The following MYO3A variants were observed in gnomAD, a reference collection of about 807,000 sequenced individuals.
MYO3A encodes the protein myosin IIIA, also known as myosin-IIIa.
In MYO3A, 180 loss-of-function variants were observed where a neutral mutation model predicts 192.7. The observed-to-expected ratio is 0.93, with a 90% confidence interval of 0.83 to 1.06. The LOEUF is 1.06. MYO3A is among the 50% of genes least tolerant of loss of function. MYO3A has a pLI of 0.00. For synonymous variants in MYO3A, 628 were observed against 645.3 expected (o/e 0.97, Z 0.41); for missense variants, 1,896 against 1,905.0 (o/e 1.00, Z 0.09).
At chr10:26,149,489 C>G (rs888089227) in intron 23 of MYO3A, among the ~76,000 whole-genome samples, 3 of 152,186 alleles carry the variant, frequency 2.0e-5, no homozygotes, top group Admixed American at 2.0e-4. Context: ...CCCGCCTCGG[C>G]CTCCCAAGGT....
At chr10:26,160,146 T>A (rs1010651576) in intron 26 of MYO3A, among the ~76,000 whole-genome samples, 3 of 152,210 alleles carry the variant, frequency 2.0e-5, no homozygotes, top group Admixed American at 2.0e-4. Context: ...ATATAAGTAC[T>A]CTTAAATTTC....
intron 26 of MYO3A, among the ~76,000 whole-genome samples, chr10:26,160,055 A>G (rs1841405577): frequency 6.6e-6 from 1 of 152,182 alleles, no homozygotes; most frequent in South Asian, 2.1e-4. Context: ...TGACCTTATT[A>G]TCATGCACTT....
Position 26,070,115 on chromosome 10 carries a change from C to G in MYO3A, c.1175C>G (p.Ser392Cys). 1.9e-6 allele frequency: 3 copies of G among 1,606,396 alleles called. No individual in the cohort carries two copies. ...QSLGLYSTKH[S>C]KLYIGSKRTA... ...TGTATTCTTTTTAACCTTTAGCATTCCAAACTATATATTGGATCAAAGAGA... is the reference window on the plus strand; with the variant it reads ...TGTATTCTTTTTAACCTTTAGCATTGCAAACTATATATTGGATCAAAGAGA... The change falls in exon 13 of 35, where the codon TCC becomes TGC. Residue 392 changes from serine (S) to cysteine (C), a missense_variant. Transcript: ENST00000642920.
chr10:26,190,871 G>T (rs1321466427), intron 31 of MYO3A, among the ~76,000 whole-genome samples: 2 of 152,050 alleles, frequency 1.3e-5, no homozygotes, highest in Non-Finnish European at 2.9e-5. Flanking sequence ...AGATTGAATG[G>T]GGGAATATTT....
intron 20 of MYO3A, 149 bp from the exon 21 acceptor site, chr10:26,143,299 C>T: frequency 1.3e-6 from 1 of 766,476 alleles, no homozygotes; most frequent in South Asian, 1.7e-5. Flanking sequence ...CCAATATACT[C>T]CAGCCTGGAC....
At chr10:26,073,674 T>A (rs915677250) in intron 14 of MYO3A, among the ~76,000 whole-genome samples, 5 of 151,850 alleles carry the variant, frequency 3.3e-5, no homozygotes, top group Non-Finnish European at 1.5e-5. Context: ...AAATAAATAA[T>A]TATTTTTAGA....
chr10:25,962,944 C>T (rs1477950051), intron 4 of MYO3A, among the ~76,000 whole-genome samples: 1 of 152,196 alleles, frequency 6.6e-6, no homozygotes, highest in Non-Finnish European at 1.5e-5. Flanking sequence ...CTCTCAGGAG[C>T]TGTTTGCTTA....
chr10:26,083,575 A>G (rs1007616400), intron 14 of MYO3A, among the ~76,000 whole-genome samples: 2 of 152,162 alleles, frequency 1.3e-5, no homozygotes, highest in Admixed American at 6.5e-5. Context: ...TGTAACAGAT[A>G]CTATTGGAAA....
intron 31 of MYO3A, among the ~76,000 whole-genome samples, chr10:26,189,235 A>G (rs924055988): frequency 6.6e-6 from 1 of 152,222 alleles, no homozygotes; most frequent in Non-Finnish European, 1.5e-5. Flanking sequence ...CAGCAGTCAC[A>G]TTAGATTAGG....
chr10:26,063,866 A>C (rs1218768563), intron 10 of MYO3A, among the ~76,000 whole-genome samples: 1 of 152,242 alleles, frequency 6.6e-6, no homozygotes, highest in Non-Finnish European at 1.5e-5. Flanking sequence ...AATACACTGG[A>C]AAGACAGATT....
chr10:26,086,362 C>T lies in MYO3A; in HGVS notation c.1360-1841C>T, dbSNP rs113123657. ...TCTCACCAGGCCCCCTCCCCTGACACGTGGGGATTACAATTTGACATGAGA... is the reference window on the plus strand; with the variant it reads ...TCTCACCAGGCCCCCTCCCCTGACATGTGGGGATTACAATTTGACATGAGA... On this transcript the variant is annotated intron_variant, in intron 14 of 34. Coordinates refer to ENST00000642920, the MANE Select transcript of MYO3A (RefSeq NM_017433.5). Among the ~76,000 whole-genome samples the T allele has an allele frequency of 1.6e-3, 242 of 152,206 alleles. 1 individual carries two copies. The highest frequency in any genetic ancestry group is 5.5e-3 in the African/African-American group (228 of 41,530).
At position 25,935,733 on chromosome 10, in the gene MYO3A, T is replaced by C. The variant is rs1836018818; in HGVS notation, c.-104-11T>C. On this transcript the variant is annotated splice_polypyrimidine_tract_variant and intron_variant, in intron 1 of 34. Coordinates refer to ENST00000642920, the MANE Select transcript of MYO3A (RefSeq NM_017433.5). ...CCCATAAAGCCATGATCTTTTTGTT[T>C]TGGGTTACAGGCCCAGGGCCCCAGT... The C allele has an allele frequency of 6.6e-6, 1 of 152,184 alleles. No individual in the cohort carries two copies. Among genetic ancestry groups the C allele is most frequent in the Non-Finnish European group, 1.5e-5 (1 of 68,040 alleles). 9.4% of individuals were successfully genotyped at this position (152,184 alleles called of 1,614,324 possible).
At chr10:26,165,793 A>G (rs1841712215) in intron 26 of MYO3A, 1 of 503,808 alleles carries the variant, frequency 2.0e-6, no homozygotes, top group Non-Finnish European at 3.5e-6. Flanking sequence ...TTTTTGACTG[A>G]TGGAGTTCTT....
chr10:26,034,347 G>A (rs1320360797), intron 10 of MYO3A, among the ~76,000 whole-genome samples: 2 of 152,146 alleles, frequency 1.3e-5, no homozygotes, highest in Non-Finnish European at 2.9e-5. Context: ...ATGGACACTT[G>A]AATCCCAACC....
chr10:26,093,251 G>A (rs1836810984), intron 15 of MYO3A, among the ~76,000 whole-genome samples: 6 of 152,162 alleles, frequency 3.9e-5, no homozygotes, highest in Admixed American at 3.3e-4. Flanking sequence ...CAATCACATT[G>A]TTAGCACTTA....
At chr10:26,036,428 C>G (rs969744986) in intron 10 of MYO3A, among the ~76,000 whole-genome samples, 10 of 152,128 alleles carry the variant, frequency 6.6e-5, no homozygotes, top group African/African-American at 2.4e-4. Flanking sequence ...AAGAGTCTCT[C>G]ATGCCTATGA....
At chr10:26,206,398 GA>G (rs1226059385) in intron 34 of MYO3A, among the ~76,000 whole-genome samples, 1 of 149,956 alleles carries the variant, frequency 6.7e-6, no homozygotes, top group African/African-American at 2.5e-5. Context: ...ATTACCTTTG[GA>G]TATATGCCCA....
intron 17 of MYO3A, among the ~76,000 whole-genome samples, chr10:26,114,588 A>G (rs1838393034): frequency 1.3e-5 from 1 of 75,578 alleles, no homozygotes; most frequent in African/African-American, 3.8e-5. Flanking sequence ...TAGATTTATA[A>G]AAAAATTCTG....
intron 1 of MYO3A, among the ~76,000 whole-genome samples, chr10:25,935,490 A>C (rs1835998394): frequency 6.6e-6 from 1 of 152,232 alleles, no homozygotes; most frequent in Non-Finnish European, 1.5e-5. Flanking sequence ...GTACAGGTGC[A>C]CTTAAACCTT....
Sources: gnomAD v4.1 joint callset for allele counts (sites outside exome capture counted in the v4.1 genomes callset) on GRCh38, gnomAD v4.1.1 for gene constraint, MANE v1.5 for transcripts, NCBI Gene and HGNC (gene_info 2026-07-23, HGNC 2026-07-21) for gene names.